The following TENM4 variants were observed in gnomAD, a reference collection of about 807,000 sequenced individuals.
TENM4 encodes teneurin-4.
Under a neutral mutation model 243.3 loss-of-function variants are expected in TENM4, and 82 were observed. That is an observed-to-expected ratio of 0.34 (90% CI 0.28 to 0.40). TENM4 has a LOEUF of 0.40. TENM4 is among the 10% of genes least tolerant of loss of function. The pLI is 1.00. For synonymous variants in TENM4, 1,412 were observed against 1,456.3 expected, an observed-to-expected ratio of 0.97 and a Z score of 0.69; for missense variants, 3,138 against 3,673.3, an observed-to-expected ratio of 0.85 and a Z score of 3.77.
At chr11:78,667,584 C>T (rs1420800970) in intron 32 of TENM4, among the ~76,000 whole-genome samples, 2 of 152,124 alleles carry the variant, frequency 1.3e-5, no homozygotes. Context: ...GGTGGCTTTT[C>T]CTCTGTGCTT....
chr11:79,083,105 T>G (rs1860717174), intron 4 of TENM4, among the ~76,000 whole-genome samples: 1 of 152,124 alleles, frequency 6.6e-6, no homozygotes, highest in African/African-American at 2.4e-5. Flanking sequence ...ACTTTGCCGT[T>G]GGTAATTAAG....
At chr11:78,997,934 T>G (rs1858217889) in intron 6 of TENM4, among the ~76,000 whole-genome samples, 1 of 152,206 alleles carries the variant, frequency 6.6e-6, no homozygotes, top group African/African-American at 2.4e-5. Context: ...TCTCTCTCTC[T>G]TCTCTCTTTC....
At chr11:79,254,995 G>T (rs1191953740) in intron 2 of TENM4, among the ~76,000 whole-genome samples, 1 of 152,166 alleles carries the variant, frequency 6.6e-6, no homozygotes, top group Non-Finnish European at 1.5e-5. Flanking sequence ...TTCTGGAAGG[G>T]CGTCATATGC....
At chr11:79,305,711 G>A (rs1590866568) in intron 1 of TENM4, among the ~76,000 whole-genome samples, 1 of 152,230 alleles carries the variant, frequency 6.6e-6, no homozygotes, top group African/African-American at 2.4e-5. Flanking sequence ...TGGGTAAAGA[G>A]AAGGCCAGAT....
chr11:79,405,552 C>G (rs1858548864), intron 1 of TENM4, among the ~76,000 whole-genome samples: 1 of 151,662 alleles, frequency 6.6e-6, no homozygotes, highest in South Asian at 2.1e-4. Context: ...CAGTAACACT[C>G]TAACATGTTT....
At chr11:79,004,884 A>T (rs1331544670) in intron 6 of TENM4, among the ~76,000 whole-genome samples, 1 of 151,356 alleles carries the variant, frequency 6.6e-6, no homozygotes, top group African/African-American at 2.4e-5. Context: ...GAGAAGATAC[A>T]AATAAACACA....
At position 78,669,621 on chromosome 11, in the gene TENM4, G is replaced by A. The variant is rs865922915; in HGVS notation, c.6724C>T (p.Arg2242Cys). The stretch of plus-strand genomic sequence containing the variant: ...TCACCCAGCCGAGTGATGCGGTCGC[G>A]GATGTCATACCGTAGTGGTGTGAGC... ...ARLTPLRYDI[R>C]DRITRLGDVQ... Residue 2242 changes from arginine to cysteine, a missense_variant, in exon 32 of 34, where the codon CGC (arginine) becomes TGC (cysteine). Physicochemically the swap from Arg to Cys is radical, Grantham distance 180. Coordinates refer to ENST00000278550, the MANE Select transcript of TENM4 (RefSeq NM_001098816.3). The surrounding 1 kb of genome is among the most constrained non-coding windows in gnomAD (Gnocchi z 6.4). The A allele has an allele frequency of 3.1e-6, 5 of 1,613,824 alleles. No homozygotes were observed. The highest frequency in any genetic ancestry group is 2.7e-5 in the African/African-American group (2 of 74,892).
chr11:78,719,564 T>C (rs958395753), intron 25 of TENM4, among the ~76,000 whole-genome samples: 1 of 152,224 alleles, frequency 6.6e-6, no homozygotes, highest in Non-Finnish European at 1.5e-5. Flanking sequence ...TCATGCCACT[T>C]TGATCTGAGC....
intron 23 of TENM4, among the ~76,000 whole-genome samples, chr11:78,725,113 G>A (rs893170132): frequency 3.9e-5 from 6 of 152,316 alleles, no homozygotes; most frequent in Admixed American, 2.0e-4. Context: ...TTCTGAATGC[G>A]TTCTATTCCA....
intron 6 of TENM4, among the ~76,000 whole-genome samples, chr11:79,064,346 G>T (rs1291655210): frequency 1.3e-5 from 2 of 152,180 alleles, no homozygotes; most frequent in Non-Finnish European, 2.9e-5. Flanking sequence ...GCCCAGGACA[G>T]CTGAGCACCT....
intron 1 of TENM4, among the ~76,000 whole-genome samples, chr11:79,357,293 G>C (rs1857513349): frequency 1.3e-5 from 2 of 152,230 alleles, no homozygotes; most frequent in South Asian, 4.1e-4. Flanking sequence ...CCCCAAAGAT[G>C]CCTGTGTTGC....
intron 2 of TENM4, among the ~76,000 whole-genome samples, chr11:79,245,609 A>G (rs149829555): frequency 2.6e-5 from 4 of 152,210 alleles, no homozygotes; most frequent in African/African-American, 7.2e-5. Context: ...AGTACCTAGC[A>G]TATAACACTT....
intron 2 of TENM4, among the ~76,000 whole-genome samples, chr11:79,277,168 T>C (rs1856071591): frequency 6.6e-6 from 1 of 152,050 alleles, no homozygotes; most frequent in African/African-American, 2.4e-5. Flanking sequence ...CTGTGCCAGG[T>C]GATTTATGGA....
In TENM4 at chr11:79,275,216, G is replaced by A. The variant is rs182961502; in HGVS notation, c.-265+22272C>T. 8.8e-5 allele frequency among the ~76,000 whole-genome samples: 13 copies of A among 147,096 alleles called. No homozygotes were observed. The East Asian group carries it at 2.3e-3, about 26-fold the overall frequency. On this transcript the variant is annotated intron_variant, in intron 2 of 33. Coordinates refer to ENST00000278550, the MANE Select transcript of TENM4 (RefSeq NM_001098816.3). Reference sequence around the variant, plus strand: ...AAAGAAGTTAGAAGGTGCTGGGTATGTGTGAGCGGGGTGTGTGTGTGTGTG... The same window carrying A: ...AAAGAAGTTAGAAGGTGCTGGGTATATGTGAGCGGGGTGTGTGTGTGTGTG...
At chr11:78,830,524 C>T (rs1857956328) in intron 12 of TENM4, among the ~76,000 whole-genome samples, 2 of 152,192 alleles carry the variant, frequency 1.3e-5, no homozygotes. Context: ...GAGCAGACTC[C>T]CCCCTGCTGA....
chr11:78,897,251 G>T (rs1403588621), intron 7 of TENM4, among the ~76,000 whole-genome samples: 1 of 152,150 alleles, frequency 6.6e-6, no homozygotes, highest in Non-Finnish European at 1.5e-5. Flanking sequence ...ACTGAGAGAG[G>T]ACCCCAGAAC....
chr11:79,011,749 G>A (rs1858648455), intron 6 of TENM4, among the ~76,000 whole-genome samples: 1 of 152,210 alleles, frequency 6.6e-6, no homozygotes, highest in Non-Finnish European at 1.5e-5. Flanking sequence ...CTGAAATAAT[G>A]TAATTTAGAG....
chr11:79,059,978 C>T (rs537944392), intron 6 of TENM4, among the ~76,000 whole-genome samples: 1 of 152,326 alleles, frequency 6.6e-6, no homozygotes, highest in South Asian at 2.1e-4. Context: ...ACAGCCCTGC[C>T]TCCCTCACCG....
chr11:79,374,552 C>CTA lies in TENM4; in HGVS notation c.-321+65955_-321+65956dup, dbSNP rs11281237. 9.9e-5 allele frequency among the ~76,000 whole-genome samples: 15 copies of CTA among 150,934 alleles called. 1 individual carries two copies. The highest frequency in any genetic ancestry group is 4.0e-4 in the Admixed American group (6 of 15,180). ...ACTATATATATCTATATCTATATAT[C>CTA]TATATAGATATAGATATATCTACAC... On this transcript the variant is annotated intron_variant, in intron 1 of 33. Coordinates refer to ENST00000278550, the MANE Select transcript of TENM4 (RefSeq NM_001098816.3).
Sources: gnomAD v4.1 joint callset for allele counts (sites outside exome capture counted in the v4.1 genomes callset) on GRCh38, gnomAD v4.1.1 for gene constraint, Gnocchi (gnomAD v3.1) non-coding constraint, MANE v1.5 for transcripts, NCBI Gene and HGNC (gene_info 2026-07-23, HGNC 2026-07-21) for gene names.